PAMR1: variants seen among roughly 807,000 people sequenced by gnomAD.
PAMR1 encodes the protein peptidase domain containing associated with muscle regeneration 1.
A neutral mutation model predicts 81.8 loss-of-function variants in PAMR1; 88 were observed. The ratio of observed to expected loss-of-function variants is 1.08; its 90% CI spans 0.91 to 1.28. The LOEUF (loss-of-function observed/expected upper bound fraction) is 1.28. PAMR1 is among the 50% of genes most tolerant of loss of function. The pLI is 0.00. For synonymous variants in PAMR1, 336 were observed against 345.3 expected (o/e 0.97, Z 0.30); for missense variants, 935 against 919.7 (o/e 1.02, Z -0.21).
intron 1 of PAMR1, among the ~76,000 whole-genome samples, chr11:35,504,292 T>A (rs613107): frequency 0.31 from 47,526 of 151,986 alleles, 7,511 homozygotes; most frequent in African/African-American, 0.37. Context: ...TTTGTTGAAG[T>A]TATTTGCATC....
At chr11:35,498,619 G>A (rs995987568) in intron 1 of PAMR1, among the ~76,000 whole-genome samples, 1 of 152,052 alleles carries the variant, frequency 6.6e-6, no homozygotes, top group Non-Finnish European at 1.5e-5. Flanking sequence ...GCTTCCCATC[G>A]CTTTTGCAGT....
intron 1 of PAMR1, among the ~76,000 whole-genome samples, chr11:35,496,528 G>A (rs1013100278): frequency 1.3e-5 from 2 of 152,142 alleles, no homozygotes; most frequent in Non-Finnish European, 2.9e-5. Context: ...AACATCACAA[G>A]TCATTTGGGA....
At chr11:35,482,826 G>A (rs193051044) in intron 3 of PAMR1, among the ~76,000 whole-genome samples, 43 of 152,112 alleles carry the variant, frequency 2.8e-4, no homozygotes, top group African/African-American at 1.0e-3. Context: ...TCATGACTTG[G>A]CTCTCTGCTT....
chr11:35,484,914 G>A (rs1315672362), intron 3 of PAMR1, among the ~76,000 whole-genome samples: 2 of 152,334 alleles, frequency 1.3e-5, no homozygotes, highest in African/African-American at 2.4e-5. Flanking sequence ...AGCAGTGGAA[G>A]TCAGCAGAGT....
chr11:35,503,818 G>C (rs1034116157), intron 1 of PAMR1, among the ~76,000 whole-genome samples: 3 of 151,934 alleles, frequency 2.0e-5, no homozygotes, highest in Non-Finnish European at 4.4e-5. Context: ...TGCAAGCAAG[G>C]CTAATTTGAC....
At chr11:35,517,322 T>C (rs1330547896) in intron 1 of PAMR1, among the ~76,000 whole-genome samples, 1 of 152,194 alleles carries the variant, frequency 6.6e-6, no homozygotes, top group Non-Finnish European at 1.5e-5. Context: ...AAACGTTAAG[T>C]GATGAGGACA....
In PAMR1 at chr11:35,466,058, C is replaced by A. The variant is rs114281677; in HGVS notation, c.820+1943G>T. Among the ~76,000 whole-genome samples the A allele has an allele frequency of 6.8e-3, 1,026 of 151,244 alleles. 19 individuals are homozygous for A. The highest frequency in any genetic ancestry group is 0.024 in the African/African-American group (993 of 40,614). ...TTTGGCTTTATCTGGTGATGTTTTACTTCTTTCCAATTCTATTTTTTTTTT... is the reference window on the plus strand; with the variant it reads ...TTTGGCTTTATCTGGTGATGTTTTAATTCTTTCCAATTCTATTTTTTTTTT... On this transcript the variant is annotated intron_variant, in intron 6 of 10. Coordinates refer to ENST00000619888, the MANE Select transcript of PAMR1 (RefSeq NM_001001991.3).
At chr11:35,462,563 A>G (rs779897814) in intron 6 of PAMR1, among the ~76,000 whole-genome samples, 2 of 152,194 alleles carry the variant, frequency 1.3e-5, no homozygotes, top group Non-Finnish European at 2.9e-5. Context: ...TGTAGAAACT[A>G]GTGTTGTTGC....
intron 1 of PAMR1, among the ~76,000 whole-genome samples, chr11:35,523,814 G>A (rs1851331132): frequency 6.6e-6 from 1 of 152,188 alleles, no homozygotes; most frequent in African/African-American, 2.4e-5. Context: ...GGTTCAGGCA[G>A]CAGTTTAGCT....
In PAMR1 at chr11:35,466,675, C is replaced by T. The variant is rs528392841; in HGVS notation, c.820+1326G>A. Among the ~76,000 whole-genome samples the T allele has an allele frequency of 6.4e-4, 88 of 137,326 alleles. 1 individual carries two copies. The highest frequency in any genetic ancestry group is 5.5e-3 in the South Asian group (24 of 4,334). 90.1% of individuals were successfully genotyped at this position (137,326 alleles called of 152,430 possible). ...CCAGGAGGCGGAGCTTGCAGTGAGC[C>T]GAGATCGCGCCACTGCACTCTAGCC... On this transcript the variant is annotated intron_variant, in intron 6 of 10. Transcript: ENST00000619888.
intron 6 of PAMR1, among the ~76,000 whole-genome samples, chr11:35,466,874 G>C (rs1219222017): frequency 6.6e-6 from 1 of 151,910 alleles, no homozygotes; most frequent in Non-Finnish European, 1.5e-5. Flanking sequence ...AGATATTGTT[G>C]GTGCTCTGCC....
intron 9 of PAMR1, 63 bp downstream of exon 9, chr11:35,435,840 G>A: frequency 7.9e-7 from 1 of 1,263,330 alleles, no homozygotes; most frequent in East Asian, 2.3e-5. Flanking sequence ...AGGGTTAATG[G>A]TTTTTCTCAG....
chr11:35,505,783 A>C (rs977528381), intron 1 of PAMR1, among the ~76,000 whole-genome samples: 4 of 152,044 alleles, frequency 2.6e-5, no homozygotes, highest in African/African-American at 9.7e-5. Context: ...CATATAATTG[A>C]GTCTTGTTTC....
intron 3 of PAMR1, among the ~76,000 whole-genome samples, chr11:35,477,742 C>T (rs541790015): frequency 2.4e-4 from 36 of 152,256 alleles, no homozygotes; most frequent in Middle Eastern, 6.8e-3. Flanking sequence ...CTAGTATCAA[C>T]GCTGAGTCTT....
chr11:35,440,802 C>T (rs761236973), intron 7 of PAMR1, among the ~76,000 whole-genome samples: 5 of 152,184 alleles, frequency 3.3e-5, no homozygotes, highest in East Asian at 1.9e-4. Flanking sequence ...TTCACTTCTG[C>T]CTACACCTCT....
chr11:35,492,934 T>C (rs1590372338), intron 2 of PAMR1, among the ~76,000 whole-genome samples: 1 of 152,210 alleles, frequency 6.6e-6, no homozygotes, highest in Non-Finnish European at 1.5e-5. Context: ...GGCTCTGCCA[T>C]CGTGCAGCTG....
rs780246012 is a variant in PAMR1, at chr11:35,492,128, C to G, written c.296G>C (p.Trp99Ser). The G allele has an allele frequency of 2.0e-5, 33 of 1,614,012 alleles. No homozygotes were observed. In the Admixed American group the frequency reaches 3.0e-4, roughly 15 times the overall value. Residue 99 changes from tryptophan to serine, a missense_variant, in exon 3 of 11, where the codon TGG becomes TCG. Transcript: ENST00000619888. ...ATAGAAGTCATCCAAGGTACCCCCC[C>G]ATGAGCCATTTCGGCAGCTCTTGCA... ...ENCKSCRNGSWGGTLDDFYVK... is the reference protein window; with the variant it reads ...ENCKSCRNGSSGGTLDDFYVK...
chr11:35,437,512 G>A (rs1313678513), intron 8 of PAMR1, among the ~76,000 whole-genome samples: 1 of 152,200 alleles, frequency 6.6e-6, no homozygotes, highest in Non-Finnish European at 1.5e-5. Flanking sequence ...GTAGCTCAGG[G>A]AGCTCCTGAA....
intron 1 of PAMR1, among the ~76,000 whole-genome samples, chr11:35,505,055 A>C (rs2135412250): frequency 6.6e-6 from 1 of 151,848 alleles, no homozygotes; most frequent in East Asian, 1.9e-4. Context: ...TTGTATTTCC[A>C]TTTTGATTTG....
Sources: gnomAD v4.1 joint callset for allele counts (sites outside exome capture counted in the v4.1 genomes callset) on GRCh38, gnomAD v4.1.1 for gene constraint, MANE v1.5 for transcripts, NCBI Gene and HGNC (gene_info 2026-07-23, HGNC 2026-07-21) for gene names.